The following ATP8A2 variants were observed in gnomAD, a reference collection of about 807,000 sequenced individuals.
ATP8A2 encodes the protein ATPase phospholipid transporting 8A2, also known as phospholipid-transporting ATPase IB.
ATP8A2 carries 100 observed loss-of-function variants against 165.6 expected under a neutral mutation model. That is an observed-to-expected ratio of 0.60 (90% CI 0.51 to 0.71). ATP8A2 has a LOEUF of 0.71. Among genes scored for constraint, ATP8A2 ranks in the 30% least tolerant of loss-of-function variants. ATP8A2 has a pLI of 0.00. For synonymous variants in ATP8A2, 543 were observed against 548.8 expected, an observed-to-expected ratio of 0.99 and a Z score of 0.15; for missense variants, 1,227 against 1,479.5, an observed-to-expected ratio of 0.83 and a Z score of 2.80.
chr13:25,863,076 C>G (rs75502686), intron 33 of ATP8A2, among the ~76,000 whole-genome samples: 1 of 152,086 alleles, frequency 6.6e-6, no homozygotes, highest in Non-Finnish European at 1.5e-5. Context: ...TGGTACACAC[C>G]TCCTCAGTTT....
intron 33 of ATP8A2, among the ~76,000 whole-genome samples, chr13:25,874,466 A>G (rs1038152840): frequency 1.3e-5 from 2 of 152,056 alleles, no homozygotes; most frequent in East Asian, 3.9e-4. Flanking sequence ...GTTGTATAAT[A>G]CTCACCACAA....
At chr13:25,802,864 T>G (rs1314775441) in intron 27 of ATP8A2, among the ~76,000 whole-genome samples, 1 of 152,094 alleles carries the variant, frequency 6.6e-6, no homozygotes, top group Non-Finnish European at 1.5e-5. Flanking sequence ...GAATATAAAC[T>G]GTTACATAAA....
At chr13:25,674,714 C>T (rs747470251) in intron 24 of ATP8A2, among the ~76,000 whole-genome samples, 7 of 152,152 alleles carry the variant, frequency 4.6e-5, no homozygotes, top group Non-Finnish European at 7.3e-5. Flanking sequence ...CGGAGATCCT[C>T]AACAGTACGT....
At chr13:25,799,939 G>A (rs927528) in intron 27 of ATP8A2, among the ~76,000 whole-genome samples, 3,133 of 152,314 alleles carry the variant, frequency 0.021, 98 homozygotes, top group African/African-American at 0.072. Flanking sequence ...CCTAAAGGAG[G>A]TTAAAGGTGA....
chr13:25,571,815 T>A, intron 18 of ATP8A2, 123 bp downstream of exon 18: 1 of 868,000 alleles, frequency 1.2e-6, no homozygotes, highest in Non-Finnish European at 2.0e-6. Flanking sequence ...TTAAGACCTG[T>A]GACAAACTGG....
chr13:25,531,407 TG>T lies in ATP8A2; in HGVS notation c.420+748del, dbSNP rs1458839493. ...TATGATATATATATGATTATATATA[TG>T]ATTATATATATGATATATATATGAT... is the stretch of plus-strand genomic sequence containing the variant. On this transcript the variant is annotated intron_variant, in intron 4 of 36. Coordinates refer to ENST00000381655, the MANE Select transcript of ATP8A2 (RefSeq NM_016529.6). Among the ~76,000 whole-genome samples the T allele has an allele frequency of 1.1e-3, 55 of 52,332 alleles. 1 individual carries two copies. Among genetic ancestry groups the T allele is most frequent in the African/African-American group, 5.7e-3 (53 of 9,350 alleles). 34.3% of individuals were successfully genotyped at this position (52,332 alleles called of 152,430 possible).
At chr13:25,530,514 A>G in intron 3 of ATP8A2, 48 bp from the exon 4 acceptor site, 2 of 1,099,974 alleles carry the variant, frequency 1.8e-6, no homozygotes, top group South Asian at 1.3e-5. Context: ...GTTCATGGAG[A>G]GGATTTTTAA....
In ATP8A2 at chr13:25,968,476, A is replaced by C; in HGVS notation, c.3273-99A>C. On this transcript the variant is annotated intron_variant, in intron 34 of 36. Coordinates refer to ENST00000381655, the MANE Select transcript of ATP8A2 (RefSeq NM_016529.6). Reference sequence around the variant, plus strand: ...ACTTCCCGAGCCTCGGCCTCCACCAAAGGGCATTTGGCTGTGGCCTGAGAG... The same window carrying C: ...ACTTCCCGAGCCTCGGCCTCCACCACAGGGCATTTGGCTGTGGCCTGAGAG... 6.8e-6 allele frequency: 7 copies of C among 1,035,512 alleles called. No homozygotes were observed. In the South Asian group the frequency reaches 8.7e-5, roughly 13 times the overall value. The allele number at this position is 1,035,512 out of a possible 1,614,324, so 64.1% of individuals were successfully genotyped here. A position where few individuals can be genotyped will look rare whatever the true frequency, so the allele number is the denominator to read the frequency against.
intron 1 of ATP8A2, among the ~76,000 whole-genome samples, chr13:25,435,690 T>A (rs1488532409): frequency 1.3e-5 from 2 of 152,082 alleles, no homozygotes; most frequent in Non-Finnish European, 2.9e-5. Context: ...AGTTAATGGA[T>A]CTTGTGGTTT....
At chr13:25,549,354 G>T (rs1031562156) in intron 10 of ATP8A2, among the ~76,000 whole-genome samples, 3 of 151,840 alleles carry the variant, frequency 2.0e-5, no homozygotes, top group Non-Finnish European at 4.4e-5. Flanking sequence ...CAGCTACTTG[G>T]GAGGTTGAGG....
intron 24 of ATP8A2, among the ~76,000 whole-genome samples, chr13:25,683,507 T>C (rs1302473298): frequency 6.6e-6 from 1 of 152,180 alleles, no homozygotes; most frequent in Non-Finnish European, 1.5e-5. Context: ...AGTTCTGAAA[T>C]GATGGTTGGC....
chr13:25,507,896 A>G lies in ATP8A2; in HGVS notation c.222-22103A>G, dbSNP rs184925457. On this transcript the variant is annotated intron_variant, in intron 2 of 36. Transcript: ENST00000381655. ...ACATAATATAAAATAGAGTTAACAG[A>G]CAATTCCAAGAGGCTTTGCAAAGGG... Among the ~76,000 whole-genome samples, 32 of 152,362 alleles carry G rather than the reference A, an allele frequency of 2.1e-4. No homozygotes were observed. The East Asian group carries it at 4.4e-3, about 21-fold the overall frequency.
intron 25 of ATP8A2, among the ~76,000 whole-genome samples, chr13:25,763,230 G>A (rs1406902976): frequency 2.0e-5 from 3 of 152,162 alleles, no homozygotes; most frequent in Non-Finnish European, 4.4e-5. Context: ...TCTTTTCTCT[G>A]TCAGCACTCA....
Position 25,678,442 on chromosome 13 carries a change from A to AGACCCGAGTTGATTGAATTC in ATP8A2, c.2212-20731_2212-20730insGACCCGAGTTGATTGAATTC, listed in dbSNP as rs1410549216. On this transcript the variant is annotated intron_variant, in intron 24 of 36. Coordinates refer to ENST00000381655, the MANE Select transcript of ATP8A2 (RefSeq NM_016529.6). ...GGAGAGCTGCTGAGTTGATTGAATT[A>AGACCCGAGTTGATTGAATTC]CCTAGACCCCAGATGCCAAGGTAAA... 7.0e-3 allele frequency among the ~76,000 whole-genome samples: 1,068 copies of AGACCCGAGTTGATTGAATTC among 152,146 alleles called. 8 individuals carry two copies. The highest frequency in any genetic ancestry group is 0.023 in the African/African-American group (972 of 41,472).
intron 30 of ATP8A2, among the ~76,000 whole-genome samples, chr13:25,839,851 T>G (rs114012217): frequency 3.0e-4 from 45 of 152,306 alleles, no homozygotes; most frequent in African/African-American, 9.9e-4. Flanking sequence ...GACTGGATAG[T>G]TTGAGTACTA....
At chr13:25,543,824 G>A (rs982675831) in intron 10 of ATP8A2, among the ~76,000 whole-genome samples, 31 of 152,060 alleles carry the variant, frequency 2.0e-4, no homozygotes, top group Non-Finnish European at 2.6e-4. Context: ...TTCATAGACC[G>A]AAGAAAAAAA....
intron 20 of ATP8A2, among the ~76,000 whole-genome samples, chr13:25,578,025 C>A (rs1473394806): frequency 1.3e-5 from 2 of 152,084 alleles, no homozygotes; most frequent in Non-Finnish European, 2.9e-5. Flanking sequence ...AGGTTTTGTT[C>A]TCATATGATA....
chr13:25,927,859 A>G lies in ATP8A2; in HGVS notation c.3184-33716A>G, dbSNP rs77768837. 1.0e-3 allele frequency among the ~76,000 whole-genome samples: 159 copies of G among 152,338 alleles called. 2 individuals carry two copies. In the East Asian group the frequency reaches 0.029, roughly 28 times the overall value. ...TTGCTTTGTCTCCAAACTGTATTTGATTTAGCTTTATGTTGATACCATTTA... is the reference window on the plus strand; with the variant it reads ...TTGCTTTGTCTCCAAACTGTATTTGGTTTAGCTTTATGTTGATACCATTTA... On this transcript the variant is annotated intron_variant, in intron 33 of 36. Transcript: ENST00000381655.
In ATP8A2 at chr13:25,698,247, A is replaced by T. The variant is rs143952830; in HGVS notation, c.2212-926A>T. Among the ~76,000 whole-genome samples, 28 of 150,530 alleles carry T rather than the reference A, an allele frequency of 1.9e-4. No individual in the cohort carries two copies. In the East Asian group the frequency reaches 5.4e-3, roughly 29 times the overall value. On this transcript the variant is annotated intron_variant, in intron 24 of 36. Transcript: ENST00000381655. ...CTGTTTTTTTTTTTTTTTTAAAGAA[A>T]CAGGGTCTCACTGTGTTGTCCAGTC...
Sources: allele counts gnomAD v4.1 joint callset (sites outside exome capture counted in the v4.1 genomes callset), GRCh38; gene constraint gnomAD v4.1.1; transcripts MANE v1.5; gene names NCBI Gene and HGNC (gene_info 2026-07-23, HGNC 2026-07-21).